PNPLA8: variants seen among roughly 807,000 people sequenced by gnomAD.
PNPLA8 encodes patatin like domain 8, phospholipase A2.
A neutral mutation model predicts 76.9 loss-of-function variants in PNPLA8; 39 were observed. That is an observed-to-expected ratio of 0.51 (90% CI 0.39 to 0.66). The LOEUF (loss-of-function observed/expected upper bound fraction) is 0.66. Ranked by LOEUF, PNPLA8 falls within the 30% of genes least tolerant of loss-of-function variation. PNPLA8 has a pLI of 0.00. For synonymous variants in PNPLA8, 301 were observed against 307.9 expected (o/e 0.98, Z 0.24); for missense variants, 887 against 918.0 (o/e 0.97, Z 0.44).
chr7:108,511,809 T>TA (rs1306837931), intron 4 of PNPLA8, among the ~76,000 whole-genome samples: 4 of 152,204 alleles, frequency 2.6e-5, no homozygotes, highest in African/African-American at 9.7e-5. Flanking sequence ...CATTATATGC[T>TA]AAAAAACCAG....
At position 108,493,565 on chromosome 7, in the gene PNPLA8, T is replaced by C. The variant is rs1236975097; in HGVS notation, c.1626-2098A>G. Reference sequence around the variant, plus strand: ...GACTACAGGCGCCCGCCCCCATGCCTGGCTTTTTTTTTTTTTTTTTTTTTT... The same window carrying C: ...GACTACAGGCGCCCGCCCCCATGCCCGGCTTTTTTTTTTTTTTTTTTTTTT... On this transcript the variant is annotated intron_variant, in intron 7 of 10. Coordinates refer to ENST00000257694, the MANE Select transcript of PNPLA8 (RefSeq NM_001256007.3). Among the ~76,000 whole-genome samples, 30 of 132,636 alleles carry C rather than the reference T, an allele frequency of 2.3e-4. No homozygotes were observed. In the East Asian group the frequency reaches 6.1e-3, roughly 27 times the overall value. 87.0% of individuals were successfully genotyped at this position (132,636 alleles called of 152,430 possible).
chr7:108,512,626 C>G (rs1378245101), intron 4 of PNPLA8, among the ~76,000 whole-genome samples: 1 of 151,992 alleles, frequency 6.6e-6, no homozygotes, highest in African/African-American at 2.4e-5. Flanking sequence ...TTAAAAAGCT[C>G]AACTCTTGAT....
rs1277659051 is a variant in PNPLA8 at position 108,514,666 on chromosome 7, G to A, written c.826C>T (p.Pro276Ser). 4 of 1,613,728 alleles carry A rather than the reference G, an allele frequency of 2.5e-6. No individual in the cohort carries two copies. The highest frequency in any genetic ancestry group is 3.4e-6 in the Non-Finnish European group (4 of 1,179,774). Reference sequence around the variant, plus strand: ...TTAGTTGAAACTTGAAGAACATCAGGTATCGCAGAAGGACTTGTAGGCTTG... The same window carrying A: ...TTAGTTGAAACTTGAAGAACATCAGATATCGCAGAAGGACTTGTAGGCTTG... ...VDKPTSPSAI[P>S]DVLQVSTKQS... Residue 276 changes from proline (P) to serine (S), a missense_variant, in exon 3 of 11, where the codon CCT becomes TCT. Transcript: ENST00000257694.
intron 9 of PNPLA8, among the ~76,000 whole-genome samples, chr7:108,485,811 T>C (rs1860701694): frequency 1.3e-5 from 2 of 152,120 alleles, no homozygotes; most frequent in African/African-American, 2.4e-5. Flanking sequence ...AGTAGGTTTC[T>C]TAGGCTCTAG....
In PNPLA8 at chr7:108,515,402, A is replaced by G. The variant is rs182076486; in HGVS notation, c.90T>C (p.Tyr30=). The G allele has an allele frequency of 5.6e-6, 9 of 1,612,206 alleles. No homozygotes were observed. In the Middle Eastern group the frequency reaches 5.0e-4, roughly 89 times the overall value. The change falls in exon 3 of 11, where the codon TAT becomes TAC. Residue 30 remains tyrosine, a synonymous_variant. Transcript: ENST00000257694. ...AGTAATGCTTAGGTGAGAACAAGAAATACAGTTGCTTGCTTCTCTGCTTCC... is the reference window on the plus strand; with the variant it reads ...AGTAATGCTTAGGTGAGAACAAGAAGTACAGTTGCTTGCTTCTCTGCTTCC... ...VCGKQRSKQL[Y]FLFSPKHYWR... is the part of the protein sequence containing the mutation.
chr7:108,526,462 T>TG (rs1864095761), upstream of PNPLA8: 1 of 153,248 alleles, frequency 6.5e-6, no homozygotes, highest in African/African-American at 2.4e-5. Context: ...TTTGCCTTCC[T>TG]GGGCGGGACC....
In PNPLA8 at chr7:108,510,127, T is replaced by C. The variant is rs1465320193; in HGVS notation, c.1206+4017A>G. On this transcript the variant is annotated intron_variant, in intron 4 of 10. Transcript: ENST00000257694. ...CACCAGCATGGCACATGTATACATA[T>C]GTAACTAACCTGCACAATGTGCACA... The C allele has an allele frequency of 3.3e-5, 19 of 579,010 alleles. No individual in the cohort carries two copies. The African/African-American group carries it at 3.6e-4, about 11-fold the overall frequency. The allele number at this position is 579,010 out of a possible 1,614,324, so 35.9% of individuals were successfully genotyped here. A position where few individuals can be genotyped will look rare whatever the true frequency, so the allele number is the denominator to read the frequency against.
intron 9 of PNPLA8, among the ~76,000 whole-genome samples, chr7:108,480,102 C>T (rs1297053918): frequency 1.3e-5 from 2 of 152,172 alleles, no homozygotes; most frequent in Non-Finnish European, 2.9e-5. Context: ...CATGGTGGCT[C>T]ATGCCTGTAA....
intron 10 of PNPLA8, 90 bp from the exon 11 acceptor site, chr7:108,472,765 A>G: frequency 1.1e-6 from 1 of 917,656 alleles, no homozygotes; most frequent in East Asian, 2.8e-5. Context: ...ATTTAAAATT[A>G]ACTTCTTTTT....
At chr7:108,502,800 T>C (rs1356909933) in intron 4 of PNPLA8, 158 bp from the exon 5 acceptor site, 1 of 440,634 alleles carries the variant, frequency 2.3e-6, no homozygotes, top group Non-Finnish European at 3.9e-6. Flanking sequence ...GTTTTTGATA[T>C]ATTAATGTCA....
At chr7:108,510,823 A>G (rs1310328751) in intron 4 of PNPLA8, 176 of 1,599,842 alleles carry the variant, frequency 1.1e-4, no homozygotes, top group Non-Finnish European at 1.4e-4. Flanking sequence ...ATACTGTTGG[A>G]AAACGCTTCA....
chr7:108,528,161 T>C (rs967101388), upstream of PNPLA8: 16 of 152,240 alleles, frequency 1.1e-4, no homozygotes, highest in African/African-American at 3.9e-4. Flanking sequence ...CTTTCATCCT[T>C]GCTCTTCAGT....
At chr7:108,487,452 T>C (rs2076150927) in intron 9 of PNPLA8, among the ~76,000 whole-genome samples, 1 of 152,234 alleles carries the variant, frequency 6.6e-6, no homozygotes, top group Non-Finnish European at 1.5e-5. Context: ...TATATCGTTT[T>C]TACTTTTTAT....
intron 4 of PNPLA8, among the ~76,000 whole-genome samples, chr7:108,512,388 T>C (rs1323542628): frequency 6.6e-6 from 1 of 152,162 alleles, no homozygotes; most frequent in Non-Finnish European, 1.5e-5. Context: ...GTTCTTCTTT[T>C]TAATTAAAAA....
chr7:108,518,111 T>C (rs867946398), intron 2 of PNPLA8: 5 of 152,244 alleles, frequency 3.3e-5, no homozygotes, highest in Admixed American at 6.5e-5. Context: ...ACTAGCTCTA[T>C]GGGTTGTCTT....
chr7:108,494,902 A>C (rs889358357), intron 7 of PNPLA8, among the ~76,000 whole-genome samples: 1 of 152,234 alleles, frequency 6.6e-6, no homozygotes, highest in Admixed American at 6.5e-5. Flanking sequence ...GAAAATAGGC[A>C]AAAATTATGC....
At chr7:108,482,414 G>A (rs773455031) in intron 9 of PNPLA8, among the ~76,000 whole-genome samples, 1 of 152,220 alleles carries the variant, frequency 6.6e-6, no homozygotes, top group Non-Finnish European at 1.5e-5. Context: ...AGAGGTTGCA[G>A]TGAGCTGAGA....
At chr7:108,481,340 T>C (rs1199928435) in intron 9 of PNPLA8, among the ~76,000 whole-genome samples, 1 of 152,238 alleles carries the variant, frequency 6.6e-6, no homozygotes, top group Non-Finnish European at 1.5e-5. Context: ...GTCTAAAAGT[T>C]CCAGTTGCTC....
intron 2 of PNPLA8, among the ~76,000 whole-genome samples, chr7:108,518,923 C>T (rs900658536): frequency 4.0e-5 from 6 of 151,412 alleles, no homozygotes; most frequent in Admixed American, 2.0e-4. Flanking sequence ...GGAATGAGAA[C>T]GGTTTTTACT....
Sources: allele counts gnomAD v4.1 joint callset (sites outside exome capture counted in the v4.1 genomes callset), GRCh38; gene constraint gnomAD v4.1.1; transcripts MANE v1.5; gene names NCBI Gene and HGNC (gene_info 2026-07-23, HGNC 2026-07-21).